Variants in NTM observed in about 807,000 individuals in gnomAD.
NTM encodes the protein neurotrimin.
Under a neutral mutation model 42.1 loss-of-function variants are expected in NTM, and 13 were observed. That is an observed-to-expected ratio of 0.31 (90% CI 0.20 to 0.49). NTM has a LOEUF of 0.49. NTM is among the 20% of genes least tolerant of loss of function. The probability of loss-of-function intolerance (pLI) is 0.99; values close to 1 mark genes in which losing one functional copy is unlikely to be tolerated. For missense variants in NTM, 373 were observed against 452.8 expected (o/e 0.82, Z 1.60); for synonymous variants, 187 against 179.2 (o/e 1.04, Z -0.35).
At chr11:131,875,325 A>T (rs934109743) in intron 1 of NTM, among the ~76,000 whole-genome samples, 1 of 152,220 alleles carries the variant, frequency 6.6e-6, no homozygotes, top group African/African-American at 2.4e-5. Context: ...ATATTTGGTG[A>T]GTTCCTTGAA....
chr11:131,598,886 TCCTTCCTTC>T lies in NTM; in HGVS notation c.82+228000_82+228008del, dbSNP rs1565687095. Among the ~76,000 whole-genome samples the T allele has an allele frequency of 3.6e-5, 3 of 83,428 alleles. 1 individual carries two copies. The highest frequency in any genetic ancestry group is 5.3e-5 in the Non-Finnish European group (2 of 37,518). The allele number at this position is 83,428 out of a possible 152,430, so 54.7% of individuals were successfully genotyped here. On this transcript the variant is annotated intron_variant, in intron 1 of 8. Coordinates refer to ENST00000683400, the MANE Select transcript of NTM (RefSeq NM_001352005.2). ...CTTCCTTCCTTCCTTCTTCCTTCCTTCCTTCCTTCCTTCCTTCCTTCCTTCCTTCCTTCC... is the reference window on the plus strand; with the variant it reads ...CTTCCTTCCTTCCTTCTTCCTTCCTTCTTCCTTCCTTCCTTCCTTCCTTCC...
chr11:131,562,115 C>A (rs1396639431), intron 1 of NTM, among the ~76,000 whole-genome samples: 1 of 152,120 alleles, frequency 6.6e-6, no homozygotes, highest in African/African-American at 2.4e-5. Context: ...GGGAAGCAGG[C>A]CACGCACTGA....
chr11:131,822,470 C>G (rs1338514621), intron 1 of NTM, among the ~76,000 whole-genome samples: 1 of 151,828 alleles, frequency 6.6e-6, no homozygotes, highest in Non-Finnish European at 1.5e-5. Flanking sequence ...AACAAATTAC[C>G]CACCTGTCAA....
At chr11:131,802,676 T>A (rs1034629128) in intron 1 of NTM, among the ~76,000 whole-genome samples, 1 of 152,106 alleles carries the variant, frequency 6.6e-6, no homozygotes, top group Non-Finnish European at 1.5e-5. Flanking sequence ...GTGTGGGGAG[T>A]GCAGAAAGCT....
intron 1 of NTM, among the ~76,000 whole-genome samples, chr11:131,696,446 C>A (rs1006266264): frequency 3.3e-5 from 5 of 152,188 alleles, no homozygotes; most frequent in African/African-American, 1.2e-4. Context: ...AGGGGCCTTC[C>A]CTTCTGCCCA....
At chr11:131,484,337 G>C (rs1228359612) in intron 1 of NTM, among the ~76,000 whole-genome samples, 1 of 152,220 alleles carries the variant, frequency 6.6e-6, no homozygotes, top group Non-Finnish European at 1.5e-5. Flanking sequence ...GAGGATGCCA[G>C]TAAAAGATAC....
Position 131,874,029 on chromosome 11 carries a change from TAATATATA to T in NTM, c.83-37534_83-37527del, listed in dbSNP as rs1401478762. ...TATAATATATTTATATAATATAATA[TAATATATA>T]TATATATATATATATATATATATAT... is the stretch of plus-strand genomic sequence containing the variant. On this transcript the variant is annotated intron_variant, in intron 1 of 8. Coordinates refer to ENST00000683400, the MANE Select transcript of NTM (RefSeq NM_001352005.2). 9.6e-4 allele frequency among the ~76,000 whole-genome samples: 49 copies of T among 50,944 alleles called. 1 individual carries two copies. Among genetic ancestry groups the T allele is most frequent in the African/African-American group, 1.2e-3 (23 of 19,286 alleles). The allele number at this position is 50,944 out of a possible 152,430, so 33.4% of individuals were successfully genotyped here.
intron 1 of NTM, among the ~76,000 whole-genome samples, chr11:131,484,267 TAAAA>T (rs34662298): frequency 2.0e-5 from 3 of 152,124 alleles, no homozygotes; most frequent in Non-Finnish European, 2.9e-5. Context: ...AATTTTGTAT[TAAAA>T]AAAGAGAGAG....
intron 2 of NTM, among the ~76,000 whole-genome samples, chr11:132,139,737 T>C (rs1195411968): frequency 6.6e-6 from 1 of 152,166 alleles, no homozygotes. Flanking sequence ...AGAGTAATTA[T>C]ACTCACACAC....
intron 2 of NTM, among the ~76,000 whole-genome samples, chr11:132,000,297 G>A (rs1279689334): frequency 6.6e-6 from 1 of 152,160 alleles, no homozygotes; most frequent in African/African-American, 2.4e-5. Context: ...GTCAATCCTT[G>A]GGGGAGTTCT....
intron 1 of NTM, among the ~76,000 whole-genome samples, chr11:131,587,885 G>A (rs1024701498): frequency 6.6e-6 from 1 of 152,196 alleles, no homozygotes; most frequent in African/African-American, 2.4e-5. Flanking sequence ...CAAAGTGAGA[G>A]AGAGAAAAAC....
intron 1 of NTM, among the ~76,000 whole-genome samples, chr11:131,623,963 C>A (rs1314188555): frequency 6.6e-6 from 1 of 152,232 alleles, no homozygotes; most frequent in African/African-American, 2.4e-5. Context: ...CTCTCACCCA[C>A]AAAGGCAGTT....
chr11:131,374,049 G>A (rs1334061383), intron 1 of NTM, among the ~76,000 whole-genome samples: 2 of 152,218 alleles, frequency 1.3e-5, no homozygotes, highest in Admixed American at 6.5e-5. Context: ...AGGGGTGGCA[G>A]ACGAGACCAT....
At chr11:131,401,822 A>ATATATG (rs1286064656) in intron 1 of NTM, among the ~76,000 whole-genome samples, 1 of 57,876 alleles carries the variant, frequency 1.7e-5, no homozygotes, top group Non-Finnish European at 3.5e-5. Context: ...ATATATATAT[A>ATATATG]TATATATATA....
intron 2 of NTM, among the ~76,000 whole-genome samples, chr11:131,912,497 G>A (rs974482708): frequency 1.3e-5 from 2 of 152,148 alleles, no homozygotes; most frequent in African/African-American, 4.8e-5. Flanking sequence ...CTGCAGAAAC[G>A]CTAACTGAAT....
intron 1 of NTM, among the ~76,000 whole-genome samples, chr11:131,424,528 C>T (rs147377409): frequency 6.6e-6 from 1 of 150,762 alleles, no homozygotes; most frequent in South Asian, 2.1e-4. Flanking sequence ...GCATGTTTAT[C>T]TCAGCAGGAG....
intron 1 of NTM, among the ~76,000 whole-genome samples, chr11:131,406,179 T>C (rs551800901): frequency 6.6e-6 from 1 of 152,322 alleles, no homozygotes; most frequent in Admixed American, 6.5e-5. Context: ...ATTTGGTAAA[T>C]AGTAGATAAT....
chr11:131,681,119 G>T lies in NTM; in HGVS notation c.83-230445G>T, dbSNP rs1338351691. On this transcript the variant is annotated intron_variant, in intron 1 of 8. Transcript: ENST00000683400. The stretch of plus-strand genomic sequence containing the variant: ...TGTATGTCTCCCTGTGTGTGTGAGC[G>T]TGTGTGTTTCTGTGTATGTATGTTT... Among the ~76,000 whole-genome samples the T allele has an allele frequency of 3.6e-5, 2 of 55,382 alleles. 1 individual carries two copies. The highest frequency in any genetic ancestry group is 1.9e-3 in the South Asian group (2 of 1,062). The allele number at this position is 55,382 out of a possible 152,430, so 36.3% of individuals were successfully genotyped here.
intron 1 of NTM, among the ~76,000 whole-genome samples, chr11:131,548,576 C>T (rs2054246808): frequency 6.6e-6 from 1 of 152,048 alleles, no homozygotes; most frequent in South Asian, 2.1e-4. Context: ...TTGCTGATTC[C>T]CACTGGAATG....
Sources: allele counts gnomAD v4.1 joint callset (sites outside exome capture counted in the v4.1 genomes callset), GRCh38; gene constraint gnomAD v4.1.1; transcripts MANE v1.5; gene names NCBI Gene and HGNC (gene_info 2026-07-23, HGNC 2026-07-21).